The following GPANK1 variants were observed in gnomAD, a reference collection of about 807,000 sequenced individuals.
GPANK1 encodes the protein G patch domain and ankyrin repeat-containing protein 1.
Under a neutral mutation model 24.0 loss-of-function variants are expected in GPANK1, and 22 were observed. That is an observed-to-expected ratio of 0.92 (90% CI 0.66 to 1.31). The LOEUF (loss-of-function observed/expected upper bound fraction) is 1.31, where lower values mean the gene tolerates loss of function less well. GPANK1 is among the 50% of genes most tolerant of loss of function. GPANK1 has a pLI of 0.00. For missense variants in GPANK1, 469 were observed against 453.5 expected (o/e 1.03, Z -0.31); for synonymous variants, 174 against 177.4 (o/e 0.98, Z 0.15).
chr6:31,665,815 A>T, upstream of GPANK1: 2 of 1,239,340 alleles, frequency 1.6e-6, no homozygotes, highest in Non-Finnish European at 2.1e-6. Flanking sequence ...TCACCCAGTG[A>T]GCACAAAACT....
At chr6:31,665,624 G>A (rs1801573482), upstream of GPANK1, 4 of 1,021,480 alleles carry the variant, frequency 3.9e-6, no homozygotes, top group Non-Finnish European at 6.0e-6. Context: ...CCCGTCAAGG[G>A]TCTCTGGCGG....
chr6:31,665,880 G>A, upstream of GPANK1: 2 of 1,105,892 alleles, frequency 1.8e-6, no homozygotes, highest in Non-Finnish European at 2.2e-6. Context: ...GCTTCCGGTG[G>A]CTTCTCGTTG....
At chr6:31,664,649 C>G in intron 1 of GPANK1, 72 bp from the exon 2 acceptor site, 1 of 607,398 alleles carries the variant, frequency 1.6e-6, no homozygotes, top group Non-Finnish European at 2.9e-6. Flanking sequence ...TAGGACTCTG[C>G]AGGGCCTAAG....
Position 31,662,986 on chromosome 6 carries a change from C to T in GPANK1, c.627-276G>A. ...TTTTTTGAGATGGAGTCTTGCTCTG[C>T]TGCCCAGGTTGGAGTGCAGTGCCAT... On this transcript the variant is annotated intron_variant, in intron 2 of 2. Coordinates refer to ENST00000375896, the MANE Select transcript of GPANK1 (RefSeq NM_033177.4). The surrounding 1 kb of genome is among the most constrained non-coding windows in gnomAD (Gnocchi z 5.5). Among the ~76,000 whole-genome samples the T allele has an allele frequency of 7.3e-6, 1 of 137,334 alleles. No individual in the cohort carries two copies. The allele number at this position is 137,334 out of a possible 152,430, so 90.1% of individuals were successfully genotyped here. A position where few individuals can be genotyped will look rare whatever the true frequency, so the allele number is the denominator to read the frequency against.
chr6:31,665,801 C>T (rs1801603007), upstream of GPANK1: 13 of 1,195,218 alleles, frequency 1.1e-5, no homozygotes, highest in South Asian at 3.4e-5. Flanking sequence ...CTAAGTCAGC[C>T]TCTTCACCCA....
Position 31,662,520 on chromosome 6 carries a change from C to A in GPANK1, c.817G>T (p.Gly273Trp). 1 of 1,612,742 alleles carries A rather than the reference C, an allele frequency of 6.2e-7. No homozygotes were observed. The highest frequency in any genetic ancestry group is 8.5e-7 in the Non-Finnish European group (1 of 1,179,858). Residue 273 changes from glycine (G) to tryptophan (W), a missense_variant, in exon 3 of 3, where the codon GGG (glycine) becomes TGG (tryptophan). Coordinates refer to ENST00000375896, the MANE Select transcript of GPANK1 (RefSeq NM_033177.4). This position sits in a 1 kb window ranked among gnomAD's most constrained non-coding sequence, Gnocchi z 5.5. ...CGGCCCTCACCCCGGGGTCCCAGCC[C>A]CATTCCTGGCTCCCAGCCCCCCCTC... is the stretch of plus-strand genomic sequence containing the variant. ...LLRGGWEPGM[G>W]LGPRGEGRAN...
upstream of GPANK1, chr6:31,666,238 C>G: frequency 1.0e-6 from 1 of 972,054 alleles, no homozygotes; most frequent in Non-Finnish European, 1.2e-6. Flanking sequence ...TGCTCCGAGT[C>G]CCTTGTCGCT....
upstream of GPANK1, chr6:31,665,327 C>A: frequency 2.0e-6 from 2 of 976,580 alleles, no homozygotes; most frequent in South Asian, 1.4e-5. Flanking sequence ...AGGAAAGGCC[C>A]TCAGGAGGCG....
chr6:31,665,765 C>A, upstream of GPANK1: 2 of 994,966 alleles, frequency 2.0e-6, no homozygotes, highest in Non-Finnish European at 2.8e-6. Context: ...GAAAGAGATC[C>A]AGCCTGGCTC....
At chr6:31,663,822 GA>G in intron 2 of GPANK1, 30 bp downstream of exon 2, 11 of 1,529,592 alleles carry the variant, frequency 7.2e-6, no homozygotes, top group Non-Finnish European at 9.7e-6. Flanking sequence ...AACACAATGA[GA>G]CATGGGTCTG....
upstream of GPANK1, chr6:31,665,356 G>A (rs1562038516): frequency 2.5e-6 from 3 of 1,216,028 alleles, no homozygotes; most frequent in East Asian, 7.6e-5. Context: ...CCTGTGGAAT[G>A]CCGAGAAGCC....
At position 31,663,872 on chromosome 6, in the gene GPANK1, TCTCTCCATGG is replaced by T; in HGVS notation, c.597_606del (p.Ser199ArgfsTer63). On this transcript the variant is annotated frameshift_variant, in exon 2 of 3. Coordinates refer to ENST00000375896, the MANE Select transcript of GPANK1 (RefSeq NM_033177.4). LOFTEE classifies it high-confidence loss of function. The stretch of plus-strand genomic sequence containing the variant: ...CCTTACCGGTTTTCCGGGCTCCTTG[TCTCTCCATGG>T]CTCTCCCTGACCATGCGGGCTACCT... The T allele has an allele frequency of 1.9e-6, 3 of 1,562,094 alleles. No homozygotes were observed. Among genetic ancestry groups the T allele is most frequent in the Non-Finnish European group, 2.6e-6 (3 of 1,155,104 alleles).
Position 31,661,700 on chromosome 6 carries a change from C to CA in GPANK1, c.*565dup, listed in dbSNP as rs367804690. 0.1 allele frequency: 15,868 copies of CA among 157,974 alleles called. 889 individuals are homozygous for CA. The highest frequency in any genetic ancestry group is 0.16 in the African/African-American group (6,317 of 39,952). The allele number at this position is 157,974 out of a possible 1,614,324, so 9.8% of individuals were successfully genotyped here. On this transcript the variant is annotated 3_prime_UTR_variant, in exon 3 of 3. Coordinates refer to ENST00000375896, the MANE Select transcript of GPANK1 (RefSeq NM_033177.4). The stretch of plus-strand genomic sequence containing the variant: ...GGGCAATGAGAGCGAAACTGCATCT[C>CA]AAAAAAAAAAGAAAAAAATTGATAA...
Position 31,664,551 on chromosome 6 carries a change from C to G in GPANK1, c.-73G>C, listed in dbSNP as rs1392030866. The G allele has an allele frequency of 3.2e-6, 4 of 1,245,498 alleles. No individual in the cohort carries two copies. The South Asian group carries it at 4.1e-5, about 13-fold the overall frequency. 77.2% of individuals were successfully genotyped at this position (1,245,498 alleles called of 1,614,324 possible). ...GACAAGTAAGCCAAGCTCGTGGTGA[C>G]CCTGTAGCAACCACAGCCTCAGAGA... On this transcript the variant is annotated 5_prime_UTR_variant, in exon 2 of 3. Transcript: ENST00000375896.
chr6:31,666,019 G>T, upstream of GPANK1: 2 of 997,984 alleles, frequency 2.0e-6, no homozygotes, highest in Non-Finnish European at 2.4e-6. Context: ...TCCGTGTCCC[G>T]GCATCCACCG....
chr6:31,662,265 G>A lies in GPANK1; in HGVS notation c.*1C>T, dbSNP rs759102312. The A allele has an allele frequency of 2.0e-6, 3 of 1,530,532 alleles. No individual in the cohort carries two copies. The highest frequency in any genetic ancestry group is 2.6e-6 in the Non-Finnish European group (3 of 1,134,124). The allele number at this position is 1,530,532 out of a possible 1,614,324, so 94.8% of individuals were successfully genotyped here. On this transcript the variant is annotated 3_prime_UTR_variant, in exon 3 of 3. Coordinates refer to ENST00000375896, the MANE Select transcript of GPANK1 (RefSeq NM_033177.4). The surrounding 1 kb of genome is among the most constrained non-coding windows in gnomAD (Gnocchi z 5.5). ...CAGACTAGGGTCAGACTTTACCAAA[G>A]TCAGAACTCGAGGTTCATGTAAGTC... is the stretch of plus-strand genomic sequence containing the variant.
At position 31,662,730 on chromosome 6, in the gene GPANK1, A is replaced by C. The variant is rs1801048385; in HGVS notation, c.627-20T>G. The C allele has an allele frequency of 6.7e-7, 1 of 1,496,784 alleles. No individual in the cohort carries two copies. Among genetic ancestry groups the C allele is most frequent in the African/African-American group, 1.4e-5 (1 of 72,278 alleles). 92.7% of individuals were successfully genotyped at this position (1,496,784 alleles called of 1,614,324 possible). On this transcript the variant is annotated intron_variant, in intron 2 of 2. Transcript: ENST00000375896. This position sits in a 1 kb window ranked among gnomAD's most constrained non-coding sequence, Gnocchi z 5.5. Reference sequence around the variant, plus strand: ...GGAGACCTGCAGAGAAAGAAGAAAAAGCATTAAGGGCAGGGGAAGGAAAAG... The same window carrying C: ...GGAGACCTGCAGAGAAAGAAGAAAACGCATTAAGGGCAGGGGAAGGAAAAG...
At chr6:31,665,812 G>C (rs1801605137), upstream of GPANK1, 2 of 1,241,594 alleles carry the variant, frequency 1.6e-6, no homozygotes, top group Non-Finnish European at 2.1e-6. Context: ...TCTTCACCCA[G>C]TGAGCACAAA....
At chr6:31,663,300 G>A (rs1413095552) in intron 2 of GPANK1, 3 of 153,056 alleles carry the variant, frequency 2.0e-5, no homozygotes, top group African/African-American at 7.3e-5. Flanking sequence ...CTGGTCCAAA[G>A]GTGGTGGTGA....
Sources: gnomAD v4.1 joint callset for allele counts (sites outside exome capture counted in the v4.1 genomes callset) on GRCh38, gnomAD v4.1.1 for gene constraint, Gnocchi (gnomAD v3.1) non-coding constraint, MANE v1.5 for transcripts, NCBI Gene and HGNC (gene_info 2026-07-23, HGNC 2026-07-21) for gene names.